ALPK1: variants seen among roughly 807,000 people sequenced by gnomAD.
ALPK1 encodes the protein alpha kinase 1.
In ALPK1, 110 loss-of-function variants were observed where a neutral mutation model predicts 120.6. The observed-to-expected ratio is 0.91, with a 90% CI of 0.78 to 1.07. The LOEUF is 1.07. Among genes scored for constraint, ALPK1 ranks in the 50% least tolerant of loss-of-function variants. ALPK1 has a pLI of 0.00. For missense variants in ALPK1, 1,498 were observed against 1,483.9 expected (o/e 1.01, Z -0.16); for synonymous variants, 582 against 560.3 (o/e 1.04, Z -0.55).
intron 4 of ALPK1, among the ~76,000 whole-genome samples, chr4:112,405,860 C>T (rs1239391838): frequency 6.6e-6 from 1 of 152,144 alleles, no homozygotes; most frequent in African/African-American, 2.4e-5. Context: ...CAGGCATGAG[C>T]CACAACACTC....
chr4:112,310,336 C>T (rs997461614), intron 1 of ALPK1, among the ~76,000 whole-genome samples: 1 of 152,094 alleles, frequency 6.6e-6, no homozygotes, highest in Non-Finnish European at 1.5e-5. Context: ...ATTTGAGAGG[C>T]TCCAGATCCT....
chr4:112,345,772 A>C (rs1314527441), intron 2 of ALPK1, among the ~76,000 whole-genome samples: 1 of 152,248 alleles, frequency 6.6e-6, no homozygotes, highest in Non-Finnish European at 1.5e-5. Flanking sequence ...ACTAATTTAC[A>C]TCTTTAATTT....
intron 5 of ALPK1, among the ~76,000 whole-genome samples, chr4:112,420,402 A>C (rs548566953): frequency 2.0e-5 from 3 of 152,218 alleles, no homozygotes; most frequent in Admixed American, 6.5e-5. Flanking sequence ...AAATACACTC[A>C]TTCCTCCCTC....
At chr4:112,426,013 C>A (rs1183853319) in intron 7 of ALPK1, 1 of 313,804 alleles carries the variant, frequency 3.2e-6, no homozygotes, top group East Asian at 6.6e-5. Context: ...AGTGTTATTT[C>A]TAGCATCTGA....
chr4:112,354,159 T>C (rs997773024), intron 2 of ALPK1, among the ~76,000 whole-genome samples: 2 of 152,212 alleles, frequency 1.3e-5, no homozygotes, highest in African/African-American at 4.8e-5. Context: ...GTGATTTTTC[T>C]TTCCACTTTT....
At chr4:112,399,538 T>C (rs571056553) in intron 4 of ALPK1, among the ~76,000 whole-genome samples, 4 of 152,214 alleles carry the variant, frequency 2.6e-5, no homozygotes, top group Admixed American at 2.6e-4. Flanking sequence ...AGAAATGGGA[T>C]AGGAGCTGGA....
At chr4:112,427,305 G>A (rs1228187679) in intron 8 of ALPK1, among the ~76,000 whole-genome samples, 1 of 137,616 alleles carries the variant, frequency 7.3e-6, no homozygotes, top group Non-Finnish European at 1.6e-5. Context: ...GTATATATAT[G>A]TCAAAATGTC....
intron 2 of ALPK1, among the ~76,000 whole-genome samples, chr4:112,367,161 G>T (rs1268160627): frequency 6.6e-6 from 1 of 152,138 alleles, no homozygotes; most frequent in Admixed American, 6.5e-5. Flanking sequence ...ACTTATTCAT[G>T]TAGCCAAACA....
intron 12 of ALPK1, among the ~76,000 whole-genome samples, chr4:112,435,539 G>T (rs1734752608): frequency 6.6e-6 from 1 of 152,152 alleles, no homozygotes; most frequent in East Asian, 1.9e-4. Flanking sequence ...AAAACCATCA[G>T]GGAAACATTG....
chr4:112,384,552 A>C (rs1476088315), intron 4 of ALPK1: 1 of 152,268 alleles, frequency 6.6e-6, no homozygotes, highest in African/African-American at 2.4e-5. Flanking sequence ...AGACCTCCCA[A>C]CAATAGATTA....
intron 2 of ALPK1, among the ~76,000 whole-genome samples, chr4:112,364,387 C>A (rs1041546065): frequency 6.6e-6 from 1 of 151,956 alleles, no homozygotes; most frequent in Admixed American, 6.6e-5. Flanking sequence ...GATACTACAA[C>A]TGATACCACA....
intron 2 of ALPK1, among the ~76,000 whole-genome samples, chr4:112,354,271 A>G (rs1170788491): frequency 6.6e-6 from 1 of 151,772 alleles, no homozygotes; most frequent in Non-Finnish European, 1.5e-5. Flanking sequence ...TTATTTCCTA[A>G]TGAAAGGTAT....
chr4:112,384,867 G>A (rs1732083400), intron 4 of ALPK1: 1 of 152,220 alleles, frequency 6.6e-6, no homozygotes, highest in Non-Finnish European at 1.5e-5. Flanking sequence ...ATCAATTCTG[G>A]GAACTGTTGC....
chr4:112,431,872 C>T lies in ALPK1; in HGVS notation c.2325C>T (p.Gly775=), dbSNP rs200929453. 1.3e-5 allele frequency: 21 copies of T among 1,613,956 alleles called. No homozygotes were observed. The highest frequency in any genetic ancestry group is 1.7e-5 in the Non-Finnish European group (20 of 1,180,026). The change falls in exon 11 of 16, where the codon GGC becomes GGT. Residue 775 remains glycine, a synonymous_variant. Transcript: ENST00000650871. ...QGEEISERGA[G]PTFKASPSWV... ...AAGAAATTAGTGAAAGAGGCGCAGG[C>T]CCTACATTTAAAGCTAGTCCCTCCT...
chr4:112,332,590 G>T (rs889129233), intron 2 of ALPK1, among the ~76,000 whole-genome samples: 5 of 152,180 alleles, frequency 3.3e-5, no homozygotes, highest in African/African-American at 1.2e-4. Context: ...TGAATACTAG[G>T]TTATGACACA....
chr4:112,427,736 C>T, intron 9 of ALPK1, 71 bp downstream of exon 9: 1 of 1,100,902 alleles, frequency 9.1e-7, no homozygotes. Flanking sequence ...TGGTTAGTGG[C>T]TGTCTTTCTC....
rs548500923 is a variant in ALPK1, at chr4:112,412,531, T to C, written c.475+506T>C. 3.1e-4 allele frequency: 134 copies of C among 434,602 alleles called. 1 individual carries two copies. Among genetic ancestry groups the C allele is most frequent in the South Asian group, 2.1e-3 (131 of 61,042 alleles). 26.9% of individuals were successfully genotyped at this position (434,602 alleles called of 1,614,324 possible). Reference sequence around the variant, plus strand: ...ACCTGATTAGGTCTTAAAGTATCTTTTTTTTTCCTGTCACTTTGAATGAAA... The same window carrying C: ...ACCTGATTAGGTCTTAAAGTATCTTCTTTTTTCCTGTCACTTTGAATGAAA... On this transcript the variant is annotated intron_variant, in intron 5 of 15. Transcript: ENST00000650871.
At chr4:112,323,222 A>C (rs1456500659) in intron 2 of ALPK1, among the ~76,000 whole-genome samples, 1 of 152,244 alleles carries the variant, frequency 6.6e-6, no homozygotes, top group East Asian at 1.9e-4. Flanking sequence ...CTTCTAAGCA[A>C]AGCGTATCTT....
At position 112,340,845 on chromosome 4, in the gene ALPK1, T is replaced by A. The variant is rs566042973; in HGVS notation, c.-101+24993T>A. ...TTAAGATATCAAAGTTATTTTCATT[T>A]TAGTATTAGAATTTCAGAACGCATT... is the stretch of plus-strand genomic sequence containing the variant. On this transcript the variant is annotated intron_variant, in intron 2 of 15. Transcript: ENST00000650871. Among the ~76,000 whole-genome samples, 6 of 152,366 alleles carry A rather than the reference T, an allele frequency of 3.9e-5. No individual in the cohort carries two copies. In the South Asian group the frequency reaches 1.0e-3, roughly 26 times the overall value.
Sources: allele counts gnomAD v4.1 joint callset (sites outside exome capture counted in the v4.1 genomes callset), GRCh38; gene constraint gnomAD v4.1.1; transcripts MANE v1.5; gene names NCBI Gene and HGNC (gene_info 2026-07-23, HGNC 2026-07-21).